ABCA12: variants seen among roughly 807,000 people sequenced by gnomAD.
The protein encoded by ABCA12 is ATP binding cassette subfamily A member 12, also known as glucosylceramide transporter ABCA12.
Under a neutral mutation model 293.5 loss-of-function variants are expected in ABCA12, and 156 were observed. That is an observed-to-expected ratio of 0.53 (90% CI 0.47 to 0.61). ABCA12 has a LOEUF of 0.61. ABCA12 is among the 20% of genes least tolerant of loss of function. The pLI, the probability that ABCA12 is intolerant of heterozygous loss-of-function variation, is 0.00. For synonymous variants in ABCA12, 1,063 were observed against 1,108.0 expected, an observed-to-expected ratio of 0.96 and a Z score of 0.81; for missense variants, 2,797 against 3,090.2, an observed-to-expected ratio of 0.91 and a Z score of 2.25.
intron 1 of ABCA12, among the ~76,000 whole-genome samples, chr2:215,132,527 C>T (rs1050609488): frequency 6.6e-6 from 1 of 151,362 alleles, no homozygotes; most frequent in East Asian, 1.9e-4. Context: ...GTTGGTTTAA[C>T]GTCTGTTTTA....
chr2:215,006,443 A>T (rs996383421), intron 19 of ABCA12, among the ~76,000 whole-genome samples: 1 of 152,208 alleles, frequency 6.6e-6, no homozygotes, highest in African/African-American at 2.4e-5. Context: ...TTATGTTATT[A>T]AATATATTAA....
At chr2:214,940,729 CTT>C (rs1299860596) in intron 50 of ABCA12, among the ~76,000 whole-genome samples, 1 of 152,068 alleles carries the variant, frequency 6.6e-6, no homozygotes, top group Non-Finnish European at 1.5e-5. Flanking sequence ...TTATCCATCT[CTT>C]CTAGAATTTC....
chr2:215,134,839 G>C (rs2105922905), intron 1 of ABCA12, among the ~76,000 whole-genome samples: 1 of 151,540 alleles, frequency 6.6e-6, no homozygotes, highest in East Asian at 2.0e-4. Context: ...AATAGAAACA[G>C]GGTTTACCAT....
At chr2:215,025,820 A>G in intron 10 of ABCA12, 41 bp from the exon 11 acceptor site, 1 of 1,426,096 alleles carries the variant, frequency 7.0e-7, no homozygotes, top group Non-Finnish European at 9.9e-7. Context: ...GTGAATTGCA[A>G]GGTCATTTAG....
intron 2 of ABCA12, among the ~76,000 whole-genome samples, chr2:215,102,367 GGT>G (rs1240084490): frequency 6.6e-6 from 1 of 152,238 alleles, no homozygotes; most frequent in Non-Finnish European, 1.5e-5. Context: ...GGGAGGCCGA[GGT>G]GGGTGAATCA....
chr2:215,007,482 G>C (rs1700279440), intron 19 of ABCA12, among the ~76,000 whole-genome samples: 1 of 152,132 alleles, frequency 6.6e-6, no homozygotes, highest in South Asian at 2.1e-4. Flanking sequence ...TATGTCTCTA[G>C]ATCAACTTGT....
chr2:215,009,765 T>C (rs1183365095), intron 18 of ABCA12, among the ~76,000 whole-genome samples: 1 of 152,156 alleles, frequency 6.6e-6, no homozygotes, highest in African/African-American at 2.4e-5. Flanking sequence ...AAGTACTAGG[T>C]TTATAAATTC....
chr2:215,016,798 T>C (rs1052745324), intron 14 of ABCA12, among the ~76,000 whole-genome samples: 2 of 151,954 alleles, frequency 1.3e-5, no homozygotes, highest in Non-Finnish European at 2.9e-5. Flanking sequence ...CTCCTGTAGA[T>C]AGTGAGGTAT....
At chr2:215,006,995 C>G (rs1700269420) in intron 19 of ABCA12, among the ~76,000 whole-genome samples, 1 of 151,852 alleles carries the variant, frequency 6.6e-6, no homozygotes, top group African/African-American at 2.4e-5. Context: ...TCTGCCTCAG[C>G]CTCCCGAGTA....
At chr2:215,129,143 G>A (rs1057498231) in intron 1 of ABCA12, among the ~76,000 whole-genome samples, 3 of 152,168 alleles carry the variant, frequency 2.0e-5, no homozygotes, top group Admixed American at 6.5e-5. Flanking sequence ...GTCCTGTGAT[G>A]TGAACTGTCT....
chr2:215,044,653 A>C (rs538515526), intron 7 of ABCA12: 3 of 152,266 alleles, frequency 2.0e-5, no homozygotes, highest in African/African-American at 7.2e-5. Flanking sequence ...CAAATTCTTT[A>C]AGTTTAGGTC....
At chr2:215,016,193 G>T (rs1287890533) in intron 14 of ABCA12, among the ~76,000 whole-genome samples, 1 of 151,894 alleles carries the variant, frequency 6.6e-6, no homozygotes, top group Non-Finnish European at 1.5e-5. Flanking sequence ...AGACATTCAG[G>T]ATGGCCCCTG....
chr2:214,935,652 C>G (rs1233624526), intron 51 of ABCA12, among the ~76,000 whole-genome samples: 1 of 152,052 alleles, frequency 6.6e-6, no homozygotes, highest in Non-Finnish European at 1.5e-5. Flanking sequence ...CAAAACTTAG[C>G]AGGGCATGGT....
chr2:215,007,994 A>C, intron 18 of ABCA12, 148 bp from the exon 19 acceptor site: 4 of 1,035,498 alleles, frequency 3.9e-6, no homozygotes, highest in Non-Finnish European at 5.6e-6. Context: ...AATTTCCCAC[A>C]TGGTCAAAAG....
At chr2:215,007,650 C>T (rs1206863583) in intron 19 of ABCA12, 77 bp downstream of exon 19, 33 of 1,570,538 alleles carry the variant, frequency 2.1e-5, no homozygotes, top group East Asian at 4.5e-5. Flanking sequence ...ACCCCCTTCC[C>T]GTTCACATAT....
At chr2:215,083,787 A>G (rs1484097497) in intron 2 of ABCA12, among the ~76,000 whole-genome samples, 2 of 152,182 alleles carry the variant, frequency 1.3e-5, no homozygotes, top group African/African-American at 4.8e-5. Context: ...AATTCACTGA[A>G]AAGCTAAGTG....
chr2:215,000,293 C>T (rs1008977411), intron 22 of ABCA12, among the ~76,000 whole-genome samples: 1 of 152,114 alleles, frequency 6.6e-6, no homozygotes, highest in South Asian at 2.1e-4. Flanking sequence ...ATTGATCATG[C>T]GCTCAGATTT....
In ABCA12 at chr2:215,122,995, A is replaced by G. The variant is rs139648526; in HGVS notation, c.70-11305T>C. ...TTCTGTCTTTGTGCCTGTGTATACCATTTGTTTAGTTTCCACTTATAAGTG... is the reference window on the plus strand; with the variant it reads ...TTCTGTCTTTGTGCCTGTGTATACCGTTTGTTTAGTTTCCACTTATAAGTG... On this transcript the variant is annotated intron_variant, in intron 1 of 52. Transcript: ENST00000272895. Among the ~76,000 whole-genome samples, 20 of 151,954 alleles carry G rather than the reference A, an allele frequency of 1.3e-4. No individual in the cohort carries two copies. The East Asian group carries it at 3.9e-3, about 30-fold the overall frequency.
At chr2:214,955,445 G>C in intron 42 of ABCA12, 84 bp from the exon 43 acceptor site, 5 of 1,380,162 alleles carry the variant, frequency 3.6e-6, no homozygotes, top group Non-Finnish European at 5.1e-6. Flanking sequence ...ACTTTAGGAG[G>C]CTGAGGCAGG....
Sources: gnomAD v4.1 joint callset for allele counts (sites outside exome capture counted in the v4.1 genomes callset) on GRCh38, gnomAD v4.1.1 for gene constraint, MANE v1.5 for transcripts, NCBI Gene and HGNC (gene_info 2026-07-23, HGNC 2026-07-21) for gene names.